The following ADAMTS6 variants were observed in gnomAD, a reference collection of about 807,000 sequenced individuals.
ADAMTS6 encodes the protein ADAM metallopeptidase with thrombospondin type 1 motif 6, also known as A disintegrin and metalloproteinase with thrombospondin motifs 6.
Under a neutral mutation model 144.3 loss-of-function variants are expected in ADAMTS6, and 23 were observed. That is an observed-to-expected ratio of 0.16 (90% CI 0.11 to 0.23). ADAMTS6 has a LOEUF of 0.23. Among genes scored for constraint, ADAMTS6 ranks in the 10% least tolerant of loss-of-function variants. The probability of loss-of-function intolerance (pLI) is 1.00; values close to 1 mark genes in which losing one functional copy is unlikely to be tolerated. For synonymous variants in ADAMTS6, 444 were observed against 457.5 expected (o/e 0.97, Z 0.38); for missense variants, 999 against 1,379.6 (o/e 0.72, Z 4.37).
At chr5:65,398,733 G>A (rs1235240994) in intron 7 of ADAMTS6, among the ~76,000 whole-genome samples, 1 of 149,818 alleles carries the variant, frequency 6.7e-6, no homozygotes, top group Non-Finnish European at 1.5e-5. Context: ...GAGAGAGAGA[G>A]AGAAAGAGAG....
At chr5:65,159,794 T>C (rs1395886237) in intron 24 of ADAMTS6, among the ~76,000 whole-genome samples, 3 of 152,238 alleles carry the variant, frequency 2.0e-5, no homozygotes, top group African/African-American at 7.2e-5. Context: ...AATAAATTAA[T>C]GATTGGATGA....
chr5:65,224,926 C>A lies in ADAMTS6; in HGVS notation c.2189G>T (p.Gly730Val), dbSNP rs1757614387. ...EGFFNDSLPR[G>V]GYMEVVQIPR... ...AAGAGTTCTCTCTACATACTCACCT[C>A]CCCTGGGCAGTGAATCATTGAAGAA... The change falls in exon 17 of 25, where the codon GGA becomes GTA. Residue 730 changes from glycine (G) to valine (V), a missense_variant and splice_region_variant. Gly to Val is a moderately radical substitution (Grantham distance 109, BLOSUM62 -3). Coordinates refer to ENST00000381055, the MANE Select transcript of ADAMTS6 (RefSeq NM_197941.4). 1 of 1,613,258 alleles carries A rather than the reference C, an allele frequency of 6.2e-7. No individual in the cohort carries two copies. The highest frequency in any genetic ancestry group is 8.5e-7 in the Non-Finnish European group (1 of 1,179,672).
At chr5:65,235,015 T>C (rs12659173) in intron 15 of ADAMTS6, among the ~76,000 whole-genome samples, 26,413 of 152,096 alleles carry the variant, frequency 0.17, 2,873 homozygotes, top group African/African-American at 0.31. Context: ...ATCTCACTTA[T>C]ATGTGGAATC....
rs139158105 is a variant in ADAMTS6, at chr5:65,337,009, A to G, written c.1074-2924T>C. Among the ~76,000 whole-genome samples, 685 of 152,284 alleles carry G rather than the reference A, an allele frequency of 4.5e-3. 4 individuals are homozygous for G. Among genetic ancestry groups the G allele is most frequent in the African/African-American group, 0.015 (637 of 41,572 alleles). On this transcript the variant is annotated intron_variant, in intron 7 of 24. Coordinates refer to ENST00000381055, the MANE Select transcript of ADAMTS6 (RefSeq NM_197941.4). ...ATATGTATCATGGAATAGCAGAAAC[A>G]GACTGTGGGCAGAAGAAAGACTTCA...
At chr5:65,161,330 G>A (rs1561233715) in intron 24 of ADAMTS6, among the ~76,000 whole-genome samples, 1 of 152,220 alleles carries the variant, frequency 6.6e-6, no homozygotes, top group Non-Finnish European at 1.5e-5. Flanking sequence ...GAGCCACCGT[G>A]CCCGGCCTCC....
At chr5:65,277,817 G>A (rs777102898) in intron 11 of ADAMTS6, among the ~76,000 whole-genome samples, 30 of 152,030 alleles carry the variant, frequency 2.0e-4, no homozygotes, top group Non-Finnish European at 4.3e-4. Context: ...TGAATGACCC[G>A]CTGCCCAAGA....
At chr5:65,360,944 T>C (rs1339924891) in intron 7 of ADAMTS6, among the ~76,000 whole-genome samples, 1 of 152,228 alleles carries the variant, frequency 6.6e-6, no homozygotes, top group Non-Finnish European at 1.5e-5. Flanking sequence ...CATGGGCTTT[T>C]GGTAGGCACT....
chr5:65,245,770 C>A (rs1051900994), intron 14 of ADAMTS6, among the ~76,000 whole-genome samples: 72 of 152,254 alleles, frequency 4.7e-4, no homozygotes, highest in African/African-American at 1.5e-3. Context: ...TCTGTTGCAA[C>A]TACTCAACTG....
chr5:65,379,653 G>GCCCCCGCTTTCTCCTCCC lies in ADAMTS6; in HGVS notation c.1074-45569_1074-45568insGGGAGGAGAAAGCGGGGG, dbSNP rs1751863390. On this transcript the variant is annotated intron_variant, in intron 7 of 24. Coordinates refer to ENST00000381055, the MANE Select transcript of ADAMTS6 (RefSeq NM_197941.4). ...ATTTCCTCAACACCTGGAAAACAGTGACCCCGCTTTCTCCTCCCAGCCCTC... is the reference window on the plus strand; with the variant it reads ...ATTTCCTCAACACCTGGAAAACAGTGCCCCCGCTTTCTCCTCCCACCCCGCTTTCTCCTCCCAGCCCTC... 2.0e-5 allele frequency among the ~76,000 whole-genome samples: 3 copies of GCCCCCGCTTTCTCCTCCC among 152,032 alleles called. 1 individual carries two copies. Among genetic ancestry groups the GCCCCCGCTTTCTCCTCCC allele is most frequent in the East Asian group, 3.9e-4 (2 of 5,150 alleles).
rs1021031734 is a variant in ADAMTS6, at chr5:65,214,846, G to A, written c.2523C>T (p.Gly841=). The part of the protein sequence containing the change: ...TRTGSGDNEV[G]FTWNHQPWSE... The stretch of plus-strand genomic sequence containing the variant: ...ACCAAGGCTGATGATTCCATGTAAA[G>A]CCAACTTCATTATCTCCACTGCCAG... Residue 841 remains glycine, a synonymous_variant, in exon 20 of 25, where the codon GGC becomes GGT. Transcript: ENST00000381055. This position sits in a 1 kb window ranked among gnomAD's most constrained non-coding sequence, Gnocchi z 4.6. 1.9e-6 allele frequency: 3 copies of A among 1,614,108 alleles called. No homozygotes were observed. Among genetic ancestry groups the A allele is most frequent in the Middle Eastern group, 3.3e-4 (2 of 6,062 alleles).
chr5:65,173,918 G>T (rs1458859323), intron 22 of ADAMTS6, among the ~76,000 whole-genome samples: 1 of 151,950 alleles, frequency 6.6e-6, no homozygotes, highest in Non-Finnish European at 1.5e-5. Flanking sequence ...AGCTACTTGG[G>T]AGGCTGAGGC....
intron 15 of ADAMTS6, 139 bp downstream of exon 15, chr5:65,241,965 G>T: frequency 4.3e-6 from 2 of 465,026 alleles, no homozygotes; most frequent in African/African-American, 2.0e-5. Flanking sequence ...AGTACTATAA[G>T]CATTTCCCTG....
intron 4 of ADAMTS6, 130 bp downstream of exon 4, chr5:65,460,040 G>C (rs1759526551): frequency 2.1e-6 from 2 of 930,830 alleles, no homozygotes; most frequent in Non-Finnish European, 2.9e-6. Context: ...TCTATTAAAA[G>C]GGCTCTGGAC....
intron 11 of ADAMTS6, among the ~76,000 whole-genome samples, chr5:65,289,308 GC>G (rs1350536288): frequency 6.6e-6 from 1 of 152,190 alleles, no homozygotes; most frequent in Non-Finnish European, 1.5e-5. Flanking sequence ...GCCGAGGCGG[GC>G]TGATCACTTG....
chr5:65,347,819 T>A (rs1748486777), intron 7 of ADAMTS6, among the ~76,000 whole-genome samples: 1 of 151,952 alleles, frequency 6.6e-6, no homozygotes, highest in African/African-American at 2.4e-5. Context: ...CTATTAAAAA[T>A]GTACAAAGAA....
chr5:65,397,594 T>C (rs187863571), intron 7 of ADAMTS6, among the ~76,000 whole-genome samples: 2 of 152,228 alleles, frequency 1.3e-5, no homozygotes, highest in Admixed American at 6.5e-5. Context: ...ATGTTGTTTA[T>C]GGCCAGGTGT....
chr5:65,290,294 T>C (rs1742170070), intron 11 of ADAMTS6, among the ~76,000 whole-genome samples: 2 of 152,208 alleles, frequency 1.3e-5, no homozygotes, highest in African/African-American at 4.8e-5. Context: ...CTCACACCTG[T>C]AATCCTAGCT....
chr5:65,206,764 C>T (rs1354472771), intron 20 of ADAMTS6, among the ~76,000 whole-genome samples: 2 of 149,084 alleles, frequency 1.3e-5, no homozygotes, highest in Admixed American at 6.7e-5. Context: ...AGAATTTGTC[C>T]TAGCTCAAAA....
At chr5:65,292,996 A>G (rs1195394200) in intron 10 of ADAMTS6, among the ~76,000 whole-genome samples, 1 of 152,104 alleles carries the variant, frequency 6.6e-6, no homozygotes, top group African/African-American at 2.4e-5. Context: ...TTTTTAAATA[A>G]TGCTTTTTTG....
Sources: gnomAD v4.1 joint callset for allele counts (sites outside exome capture counted in the v4.1 genomes callset) on GRCh38, gnomAD v4.1.1 for gene constraint, Gnocchi (gnomAD v3.1) non-coding constraint, MANE v1.5 for transcripts, NCBI Gene and HGNC (gene_info 2026-07-23, HGNC 2026-07-21) for gene names.